The following CREBBP variants were observed in gnomAD, a reference collection of about 807,000 sequenced individuals.
The protein encoded by CREBBP is CREB-binding protein.
In CREBBP, 19 loss-of-function variants were observed where a neutral mutation model predicts 265.0. The ratio of observed to expected loss-of-function variants is 0.07; its 90% confidence interval spans 0.05 to 0.11. CREBBP has a LOEUF of 0.11. CREBBP is among the 10% of genes least tolerant of loss of function. The probability of loss-of-function intolerance (pLI) is 1.00; values close to 1 mark genes in which losing one functional copy is unlikely to be tolerated. For missense variants in CREBBP, 2,525 were observed against 3,219.0 expected (o/e 0.78, Z 5.22); for synonymous variants, 1,457 against 1,223.7 (o/e 1.19, Z -3.98).
chr16:3,793,676 G>A (rs773079429), intron 3 of CREBBP, 50 bp from the exon 4 acceptor site: 21 of 1,588,614 alleles, frequency 1.3e-5, no homozygotes, highest in Non-Finnish European at 1.7e-5. Context: ...AGAGTTCCAA[G>A]TCATATTCAT....
intron 3 of CREBBP, among the ~76,000 whole-genome samples, chr16:3,807,241 G>C (rs915153716): frequency 2.6e-5 from 4 of 152,094 alleles, no homozygotes; most frequent in African/African-American, 9.7e-5. Flanking sequence ...GAAACTAGGA[G>C]GGGAGAGGAA....
chr16:3,850,000 T>G (rs746264789), intron 2 of CREBBP, among the ~76,000 whole-genome samples: 1 of 152,124 alleles, frequency 6.6e-6, no homozygotes, highest in African/African-American at 2.4e-5. Flanking sequence ...ACCTCCTCAG[T>G]GGGCAGTACA....
chr16:3,815,898 C>CT (rs527433227), intron 2 of CREBBP, among the ~76,000 whole-genome samples: 17 of 150,950 alleles, frequency 1.1e-4, no homozygotes, highest in Admixed American at 5.9e-4. Flanking sequence ...CTTATTCATT[C>CT]TTTTTTTTTG....
intron 2 of CREBBP, among the ~76,000 whole-genome samples, chr16:3,838,282 A>T (rs35581149): frequency 0.029 from 4,476 of 152,344 alleles, 96 homozygotes; most frequent in Middle Eastern, 0.065. Context: ...ACAGATTTAT[A>T]GTCCAGGAGC....
chr16:3,880,349 A>C lies in CREBBP; in HGVS notation c.-433T>G, dbSNP rs2055506482. On this transcript the variant is annotated 5_prime_UTR_variant, in exon 1 of 31. Coordinates refer to ENST00000262367, the MANE Select transcript of CREBBP (RefSeq NM_004380.3). ...TCCCCCCCCGCGCCCCACTTAATGAATTCGCTCGCGGCCCGACGACGAGGG... is the reference window on the plus strand; with the variant it reads ...TCCCCCCCCGCGCCCCACTTAATGACTTCGCTCGCGGCCCGACGACGAGGG... 7.7e-6 allele frequency: 1 copy of C among 129,828 alleles called. No homozygotes were observed. The highest frequency in any genetic ancestry group is 1.7e-5 in the Non-Finnish European group (1 of 60,522). The allele number at this position is 129,828 out of a possible 1,614,324, so 8.0% of individuals were successfully genotyped here.
intron 28 of CREBBP, 149 bp downstream of exon 28, chr16:3,735,887 C>T (rs555793582): frequency 1.2e-5 from 15 of 1,235,266 alleles, no homozygotes; most frequent in South Asian, 8.9e-5. Context: ...TGCCCACCAA[C>T]GCCCTGTGCT....
chr16:3,849,421 GTGTGTGTGTGTGTGTGTGT>G (rs1567360003), intron 2 of CREBBP, among the ~76,000 whole-genome samples: 39 of 8,582 alleles, frequency 4.5e-3, no homozygotes, highest in Admixed American at 5.7e-3. Context: ...GTGTGTGTGT[GTGTGTGTGTGTGTGTGTGT>G]GTGTGTGTGT....
intron 1 of CREBBP, among the ~76,000 whole-genome samples, chr16:3,863,841 T>C (rs903361376): frequency 6.6e-6 from 1 of 152,134 alleles, no homozygotes; most frequent in Non-Finnish European, 1.5e-5. Flanking sequence ...GTGCCTGTCA[T>C]AGCAGCCAGC....
chr16:3,837,343 C>T lies in CREBBP; in HGVS notation c.798+12954G>A, dbSNP rs142341735. ...AAAAAATTAAAGAACTGGCCGGGCG[C>T]GGTGGCTCACACCTGTAATCCCAGC... is the stretch of plus-strand genomic sequence containing the variant. On this transcript the variant is annotated intron_variant, in intron 2 of 30. Transcript: ENST00000262367. Among the ~76,000 whole-genome samples, 755 of 152,258 alleles carry T rather than the reference C, an allele frequency of 5.0e-3. 5 individuals carry two copies. Among genetic ancestry groups the T allele is most frequent in the African/African-American group, 0.017 (721 of 41,540 alleles).
At chr16:3,827,522 G>C (rs1271115775) in intron 2 of CREBBP, among the ~76,000 whole-genome samples, 1 of 152,048 alleles carries the variant, frequency 6.6e-6, no homozygotes, top group Admixed American at 6.5e-5. Flanking sequence ...CTCCCGAGTA[G>C]CTGGGACTAC....
At position 3,727,817 on chromosome 16, in the gene CREBBP, G is replaced by A. The variant is rs990512518; in HGVS notation, c.7230C>T (p.Pro2410=). The change falls in exon 31 of 31, where the codon CCC becomes CCT. Residue 2410 remains proline, a synonymous_variant. Transcript: ENST00000262367. ...LGNPEQSAML[P]QLNTPSRSAL... ...CACTCCTGCTGGGGGTGTTCAGCTGGGGGAGCATTGCACTCTGTTCGGGGT... is the reference window on the plus strand; with the variant it reads ...CACTCCTGCTGGGGGTGTTCAGCTGAGGGAGCATTGCACTCTGTTCGGGGT... The A allele has an allele frequency of 7.4e-6, 12 of 1,614,044 alleles. No individual in the cohort carries two copies. The highest frequency in any genetic ancestry group is 1.3e-5 in the African/African-American group (1 of 74,928).
At position 3,757,635 on chromosome 16, in the gene CREBBP, C is replaced by G. The variant is rs145711118; in HGVS notation, c.3609+174G>C. Among the ~76,000 whole-genome samples, 5 of 152,224 alleles carry G rather than the reference C, an allele frequency of 3.3e-5. No homozygotes were observed. In the East Asian group the frequency reaches 9.7e-4, roughly 29 times the overall value. ...CCCCATGGCCTCCCTCAGTAAGCGC[C>G]TGTACACCCAGCTCTGATCACCCAT... On this transcript the variant is annotated intron_variant, in intron 18 of 30. Transcript: ENST00000262367.
At chr16:3,764,668 T>C (rs1371583777) in intron 16 of CREBBP, among the ~76,000 whole-genome samples, 1 of 151,884 alleles carries the variant, frequency 6.6e-6, no homozygotes, top group Non-Finnish European at 1.5e-5. Context: ...GCTGCAGCCT[T>C]GGACCCCTGA....
intron 2 of CREBBP, among the ~76,000 whole-genome samples, chr16:3,830,259 G>A (rs951252670): frequency 2.6e-5 from 4 of 152,058 alleles, no homozygotes; most frequent in African/African-American, 4.8e-5. Context: ...ATAGCCAGAC[G>A]TGGTAGTGTG....
intron 2 of CREBBP, among the ~76,000 whole-genome samples, chr16:3,824,837 C>T (rs1314968948): frequency 6.6e-6 from 1 of 152,194 alleles, no homozygotes; most frequent in Non-Finnish European, 1.5e-5. Flanking sequence ...TGCACTGTCC[C>T]CAATCTCTAC....
At chr16:3,818,277 C>T (rs541308299) in intron 2 of CREBBP, among the ~76,000 whole-genome samples, 4 of 150,410 alleles carry the variant, frequency 2.7e-5, no homozygotes, top group African/African-American at 7.3e-5. Context: ...CAACAAGTGC[C>T]GAGTTTGATG....
chr16:3,775,837 C>T (rs1223422920), intron 11 of CREBBP, among the ~76,000 whole-genome samples: 2 of 152,170 alleles, frequency 1.3e-5, no homozygotes, highest in Non-Finnish European at 2.9e-5. Flanking sequence ...ATCTTCCTAT[C>T]CAGGCTGAAG....
intron 13 of CREBBP, 52 bp from the exon 14 acceptor site, chr16:3,771,038 T>C (rs184372601): frequency 6.2e-7 from 1 of 1,602,072 alleles, no homozygotes; most frequent in Admixed American, 1.7e-5. Flanking sequence ...TTTGAAAATG[T>C]GATGAAACAT....
At position 3,728,612 on chromosome 16, in the gene CREBBP, C is replaced by A. The variant is rs750009310; in HGVS notation, c.6435G>T (p.Met2145Ile). Residue 2145 changes from methionine to isoleucine, a missense_variant, in exon 31 of 31, where the codon ATG becomes ATT. By Grantham distance (10) the Met-to-Ile change is conservative. This residue lies in a region of CREBBP where 473 missense variants were observed against 459.3 expected (regional missense o/e 1.03). Transcript: ENST00000262367. This position sits in a 1 kb window ranked among gnomAD's most constrained non-coding sequence, Gnocchi z 8.7. ...QQPSLQNLNA[M>I]QAGVPRPGVP... ...CACCGGGCCGCGGCACGCCAGCCTG[C>A]ATGGCATTCAGGTTCTGCAGGCTGG... 1.2e-5 allele frequency: 20 copies of A among 1,613,644 alleles called. No homozygotes were observed. Among genetic ancestry groups the A allele is most frequent in the Non-Finnish European group, 1.7e-5 (20 of 1,179,948 alleles).
Sources: allele counts gnomAD v4.1 joint callset (sites outside exome capture counted in the v4.1 genomes callset), GRCh38; gene constraint gnomAD v4.1.1; regional missense constraint gnomAD v4.1.1; non-coding constraint Gnocchi (gnomAD v3.1); transcripts MANE v1.5; gene names NCBI Gene and HGNC (gene_info 2026-07-23, HGNC 2026-07-21).